The following ITGA9 variants were observed in gnomAD, a reference collection of about 807,000 sequenced individuals.
The protein encoded by ITGA9 is integrin alpha-9.
A neutral mutation model predicts 127.8 loss-of-function variants in ITGA9; 56 were observed. The observed-to-expected ratio is 0.44, with a 90% CI of 0.35 to 0.55. The LOEUF is 0.55. ITGA9 is among the 20% of genes least tolerant of loss of function. The probability of loss-of-function intolerance (pLI) is 0.00; values close to 1 mark genes in which losing one functional copy is unlikely to be tolerated. For missense variants in ITGA9, 1,196 were observed against 1,347.1 expected (o/e 0.89, Z 1.76); for synonymous variants, 508 against 514.5 (o/e 0.99, Z 0.17).
Position 37,718,454 on chromosome 3 carries a change from A to G in ITGA9, c.2068-14258A>G, listed in dbSNP as rs563141850. Among the ~76,000 whole-genome samples the G allele has an allele frequency of 9.2e-5, 14 of 152,338 alleles. No homozygotes were observed. In the East Asian group the frequency reaches 2.5e-3, roughly 27 times the overall value. On this transcript the variant is annotated intron_variant, in intron 18 of 27. Transcript: ENST00000264741. ...CCAGGGTTCCTCAGTCCTCACCAGC[A>G]TAAGAATCCCAGAGAAGGCATTTTT...
At chr3:37,772,330 C>T (rs998439017) in intron 23 of ITGA9, among the ~76,000 whole-genome samples, 3 of 152,004 alleles carry the variant, frequency 2.0e-5, no homozygotes, top group African/African-American at 7.3e-5. Flanking sequence ...ATTACTTGAA[C>T]CCAGGAGGCA....
intron 15 of ITGA9, among the ~76,000 whole-genome samples, chr3:37,616,284 T>A (rs1700073701): frequency 6.6e-6 from 1 of 152,304 alleles, no homozygotes; most frequent in African/African-American, 2.4e-5. Context: ...TTTGAGTGAA[T>A]TTCTTAATCC....
intron 15 of ITGA9, among the ~76,000 whole-genome samples, chr3:37,622,510 G>A (rs1374026061): frequency 2.0e-5 from 3 of 152,020 alleles, no homozygotes; most frequent in East Asian, 3.9e-4. Flanking sequence ...ATAATAGGGA[G>A]CTTTTTATAG....
chr3:37,473,161 A>AG (rs1579047837), intron 2 of ITGA9, among the ~76,000 whole-genome samples, 193 bp from the exon 3 acceptor site: 2 of 140,054 alleles, frequency 1.4e-5, no homozygotes, highest in East Asian at 2.0e-4. Context: ...AAAAAAAAAA[A>AG]GAAAGAAAAA....
At chr3:37,572,360 G>A (rs551863214) in intron 15 of ITGA9, among the ~76,000 whole-genome samples, 3 of 152,100 alleles carry the variant, frequency 2.0e-5, no homozygotes, top group Non-Finnish European at 4.4e-5. Flanking sequence ...GAAAATGACC[G>A]CAAGAAGGCC....
chr3:37,649,395 T>C (rs1490156800), intron 16 of ITGA9, among the ~76,000 whole-genome samples: 2 of 152,082 alleles, frequency 1.3e-5, no homozygotes, highest in Non-Finnish European at 2.9e-5. Flanking sequence ...AGGTAGTCCA[T>C]GCAAATACCA....
At chr3:37,556,708 A>G (rs963391159) in intron 15 of ITGA9, among the ~76,000 whole-genome samples, 1 of 152,250 alleles carries the variant, frequency 6.6e-6, no homozygotes, top group African/African-American at 2.4e-5. Flanking sequence ...GCTCGAAGAC[A>G]TAGATACCAA....
chr3:37,632,104 G>T (rs1032662860), intron 16 of ITGA9, among the ~76,000 whole-genome samples: 1 of 152,144 alleles, frequency 6.6e-6, no homozygotes, highest in Non-Finnish European at 1.5e-5. Flanking sequence ...AATATTTGGT[G>T]CATGAAAGGA....
chr3:37,732,936 C>T, intron 19 of ITGA9, 138 bp downstream of exon 19: 1 of 708,760 alleles, frequency 1.4e-6, no homozygotes, highest in Non-Finnish European at 2.6e-6. Flanking sequence ...CACTGAAGCC[C>T]TGACATGCTC....
Position 37,814,478 on chromosome 3 carries a change from T to G in ITGA9, c.3010-4413T>G, listed in dbSNP as rs1444105673. Among the ~76,000 whole-genome samples the G allele has an allele frequency of 6.6e-6, 1 of 152,120 alleles. No homozygotes were observed. Among genetic ancestry groups the G allele is most frequent in the Non-Finnish European group, 1.5e-5 (1 of 68,018 alleles). ...TACTTGGGAGGCTGAGGCAGGAGAATCGCTTGAACCCGAGAGGTGGAGGTT... is the reference window on the plus strand; with the variant it reads ...TACTTGGGAGGCTGAGGCAGGAGAAGCGCTTGAACCCGAGAGGTGGAGGTT... On this transcript the variant is annotated intron_variant, in intron 27 of 27. Transcript: ENST00000264741. The surrounding 1 kb of genome is among the most constrained non-coding windows in gnomAD (Gnocchi z 4.3).
intron 1 of ITGA9, among the ~76,000 whole-genome samples, chr3:37,460,920 A>G (rs1698309728): frequency 6.6e-6 from 1 of 152,132 alleles, no homozygotes; most frequent in African/African-American, 2.4e-5. Context: ...AAAATAAAAA[A>G]TCACGGAACA....
intron 17 of ITGA9, among the ~76,000 whole-genome samples, chr3:37,660,419 TC>T (rs1331408817): frequency 6.6e-6 from 1 of 152,196 alleles, no homozygotes; most frequent in Non-Finnish European, 1.5e-5. Flanking sequence ...GTTAGCAAAG[TC>T]CTAATGCTTT....
At chr3:37,528,282 T>G (rs1410777252) in intron 13 of ITGA9, among the ~76,000 whole-genome samples, 3 of 152,184 alleles carry the variant, frequency 2.0e-5, no homozygotes, top group Admixed American at 6.5e-5. Context: ...AGCGAGGCAG[T>G]TACACAATGG....
At chr3:37,621,227 G>C (rs1038376810) in intron 15 of ITGA9, among the ~76,000 whole-genome samples, 1 of 152,160 alleles carries the variant, frequency 6.6e-6, no homozygotes. Flanking sequence ...CACCATGGTT[G>C]TGAGGCCTCC....
At position 37,649,101 on chromosome 3, in the gene ITGA9, C is replaced by T. The variant is rs114341041; in HGVS notation, c.1840-4613C>T. On this transcript the variant is annotated intron_variant, in intron 16 of 27. Transcript: ENST00000264741. ...TATATATATAAAAAAAGAAAGGAAT[C>T]AAAACCTATCGATACAAAAAAAAAA... 9.6e-3 allele frequency among the ~76,000 whole-genome samples: 1,219 copies of T among 126,928 alleles called. 20 individuals carry two copies. Among genetic ancestry groups the T allele is most frequent in the African/African-American group, 0.034 (1,166 of 34,120 alleles). The allele number at this position is 126,928 out of a possible 152,430, so 83.3% of individuals were successfully genotyped here.
intron 23 of ITGA9, among the ~76,000 whole-genome samples, chr3:37,764,224 T>C (rs1696752857): frequency 6.6e-6 from 1 of 152,110 alleles, no homozygotes; most frequent in African/African-American, 2.4e-5. Context: ...ATTCCTTTAA[T>C]TTTCTTTCCC....
chr3:37,634,225 C>G (rs1477135449), intron 16 of ITGA9, among the ~76,000 whole-genome samples: 1 of 151,396 alleles, frequency 6.6e-6, no homozygotes, highest in Non-Finnish European at 1.5e-5. Context: ...AACAAAATTG[C>G]AGTAGTAAGT....
At chr3:37,731,425 G>T (rs997153664) in intron 18 of ITGA9, among the ~76,000 whole-genome samples, 1 of 152,154 alleles carries the variant, frequency 6.6e-6, no homozygotes, top group Non-Finnish European at 1.5e-5. Context: ...AGAGATGTTA[G>T]AAAACTAATC....
chr3:37,617,862 A>G (rs202067614), intron 15 of ITGA9, among the ~76,000 whole-genome samples: 5 of 152,108 alleles, frequency 3.3e-5, no homozygotes, highest in Non-Finnish European at 4.4e-5. Flanking sequence ...TTAGCCATTC[A>G]TCTAATTTTT....
Sources: allele counts gnomAD v4.1 joint callset (sites outside exome capture counted in the v4.1 genomes callset), GRCh38; gene constraint gnomAD v4.1.1; non-coding constraint Gnocchi (gnomAD v3.1); transcripts MANE v1.5; gene names NCBI Gene and HGNC (gene_info 2026-07-23, HGNC 2026-07-21).